Variants in BCL7B observed in about 807,000 individuals in gnomAD.
BCL7B encodes the protein BAF chromatin remodeling complex subunit BCL7B, also known as B-cell CLL/lymphoma 7 protein family member B.
Under a neutral mutation model 26.5 loss-of-function variants are expected in BCL7B, and 11 were observed. The observed-to-expected ratio is 0.42, with a 90% CI of 0.26 to 0.69. BCL7B has a LOEUF of 0.69. BCL7B is among the 30% of genes least tolerant of loss of function. The pLI is 0.28. For missense variants in BCL7B, 215 were observed against 264.4 expected, an observed-to-expected ratio of 0.81 and a Z score of 1.30; for synonymous variants, 111 against 107.9, an observed-to-expected ratio of 1.03 and a Z score of -0.18.
intron 2 of BCL7B, 50 bp from the exon 3 acceptor site, chr7:73,543,694 CAGAG>C (rs781945309): frequency 6.8e-7 from 1 of 1,474,116 alleles, no homozygotes; most frequent in African/African-American, 1.4e-5. Context: ...AGGAGACTCA[CAGAG>C]AGGGAGGAGG....
At position 73,557,002 on chromosome 7, in the gene BCL7B, G is replaced by A. The variant is rs1205837098; in HGVS notation, c.92+485C>T. On this transcript the variant is annotated intron_variant, in intron 1 of 5. Coordinates refer to ENST00000223368, the MANE Select transcript of BCL7B (RefSeq NM_001707.4). ...GGGGTATCCCTCTGGATGACACCAG[G>A]CTTGCTCCCTTGACAGATGGACTAA... The A allele has an allele frequency of 3.0e-6, 3 of 987,678 alleles. No individual in the cohort carries two copies. In the African/African-American group the frequency reaches 5.2e-5, roughly 17 times the overall value. The allele number at this position is 987,678 out of a possible 1,614,324, so 61.2% of individuals were successfully genotyped here.
chr7:73,543,469 C>T (rs1414409838), intron 3 of BCL7B, 79 bp downstream of exon 3: 1 of 1,362,752 alleles, frequency 7.3e-7, no homozygotes, highest in African/African-American at 1.4e-5. Context: ...TGAGTCACTG[C>T]ACCTGGCCAA....
At chr7:73,557,173 C>G (rs1160614425) in intron 1 of BCL7B, 5 of 1,021,400 alleles carry the variant, frequency 4.9e-6, no homozygotes, top group Non-Finnish European at 5.9e-6. Flanking sequence ...GAGGGCGGGC[C>G]CCGGGCTGGG....
At chr7:73,541,730 G>A (rs1346515012) in intron 3 of BCL7B, among the ~76,000 whole-genome samples, 1 of 152,096 alleles carries the variant, frequency 6.6e-6, no homozygotes, top group Non-Finnish European at 1.5e-5. Context: ...GCCTCCCAAA[G>A]TGCTGGGATT....
intron 1 of BCL7B, among the ~76,000 whole-genome samples, chr7:73,552,505 G>A (rs986911730): frequency 6.6e-5 from 10 of 152,064 alleles, no homozygotes; most frequent in East Asian, 3.9e-4. Context: ...CAGGCCAGGC[G>A]CAGCGGCTCA....
At chr7:73,539,375 C>T (rs561794678) in intron 4 of BCL7B, among the ~76,000 whole-genome samples, 1 of 152,210 alleles carries the variant, frequency 6.6e-6, no homozygotes, top group South Asian at 2.1e-4. Context: ...CCTCAGCCTC[C>T]GGAGTAGCTG....
intron 1 of BCL7B, among the ~76,000 whole-genome samples, chr7:73,554,123 A>G (rs1043237391): frequency 3.3e-5 from 5 of 151,714 alleles, no homozygotes; most frequent in Non-Finnish European, 5.9e-5. Context: ...CACCACGCCC[A>G]GTTAATTTTT....
intron 4 of BCL7B, 165 bp from the exon 5 acceptor site, chr7:73,538,178 A>C: frequency 2.3e-6 from 1 of 432,520 alleles, no homozygotes; most frequent in Non-Finnish European, 4.1e-6. Context: ...ACAGCCAAGA[A>C]TGGTGGAAGG....
At chr7:73,550,363 T>C (rs1792111296) in intron 2 of BCL7B, among the ~76,000 whole-genome samples, 1 of 151,996 alleles carries the variant, frequency 6.6e-6, no homozygotes, top group South Asian at 2.1e-4. Context: ...CTGGCCAACA[T>C]GGTGAAACCC....
intron 1 of BCL7B, among the ~76,000 whole-genome samples, chr7:73,555,527 T>G (rs1177846746): frequency 6.6e-6 from 1 of 152,130 alleles, no homozygotes; most frequent in Non-Finnish European, 1.5e-5. Context: ...AAGCAACTTT[T>G]GAGCTGAGCT....
At chr7:73,545,065 G>C (rs935932989) in intron 2 of BCL7B, among the ~76,000 whole-genome samples, 26 of 150,046 alleles carry the variant, frequency 1.7e-4, no homozygotes, top group Non-Finnish European at 3.4e-4. Flanking sequence ...AAAAAAAAAA[G>C]CCCAGAGTAA....
intron 1 of BCL7B, chr7:73,556,976 AG>A: frequency 2.0e-6 from 2 of 988,488 alleles, no homozygotes; most frequent in Non-Finnish European, 2.4e-6. Context: ...GGGGAAAGGG[AG>A]GGGTATCCCT....
intron 2 of BCL7B, among the ~76,000 whole-genome samples, chr7:73,544,541 G>A (rs559648513): frequency 5.3e-5 from 8 of 152,212 alleles, no homozygotes; most frequent in African/African-American, 1.7e-4. Flanking sequence ...CAGGAGAATC[G>A]CTTGAACCTG....
Position 73,557,471 on chromosome 7 carries a change from A to C in BCL7B, c.92+16T>G. On this transcript the variant is annotated intron_variant, in intron 1 of 5. Coordinates refer to ENST00000223368, the MANE Select transcript of BCL7B (RefSeq NM_001707.4). The stretch of plus-strand genomic sequence containing the variant: ...ATCCGCGACCCCCGCCAGCCCCCTA[A>C]GCTCCGGCCCCTCACCATTTCCGCA... 1 of 1,377,710 alleles carries C rather than the reference A, an allele frequency of 7.3e-7. No homozygotes were observed. The highest frequency in any genetic ancestry group is 1.7e-5 in the South Asian group (1 of 59,510). 85.3% of individuals were successfully genotyped at this position (1,377,710 alleles called of 1,614,324 possible).
At position 73,538,003 on chromosome 7, in the gene BCL7B, CA is replaced by C. The variant is rs1554582375; in HGVS notation, c.446del (p.Leu149ArgfsTer21). On this transcript the variant is annotated frameshift_variant, in exon 5 of 6. Transcript: ENST00000223368. LOFTEE classifies it high-confidence loss of function. Reference sequence around the variant, plus strand: ...GTTCATCAGCAACTTCCGAGGAGGGCAGGGAGGGCTCTGAAAAGGCAGTAGG... The same window carrying C: ...GTTCATCAGCAACTTCCGAGGAGGGCGGGAGGGCTCTGAAAAGGCAGTAGG... ...LGQEILEEPS[L>X]PSSEVADEPP... 6.2e-7 allele frequency: 1 copy of C among 1,600,164 alleles called. No homozygotes were observed. The highest frequency in any genetic ancestry group is 8.5e-7 in the Non-Finnish European group (1 of 1,173,198).
chr7:73,550,628 T>C (rs536899653), intron 2 of BCL7B, among the ~76,000 whole-genome samples: 5 of 123,372 alleles, frequency 4.1e-5, no homozygotes, highest in Non-Finnish European at 8.2e-5. Flanking sequence ...CAAAATACTG[T>C]ACATATTTTT....
At chr7:73,540,829 CAAAAAAAAAAAAAAA>C (rs56111929) in intron 3 of BCL7B, among the ~76,000 whole-genome samples, 1 of 50,942 alleles carries the variant, frequency 2.0e-5, no homozygotes, top group African/African-American at 8.1e-5. Flanking sequence ...GACTCTGTCT[CAAAAAAAAAAAAAAA>C]AAAAAAAAAA....
intron 2 of BCL7B, among the ~76,000 whole-genome samples, chr7:73,545,255 C>G (rs377058087): frequency 9.9e-5 from 15 of 152,180 alleles, no homozygotes; most frequent in East Asian, 3.8e-4. Flanking sequence ...CTCTGTCACC[C>G]AGGCTGGAGT....
At position 73,557,488 on chromosome 7, in the gene BCL7B, AT is replaced by A; in HGVS notation, c.90del (p.Lys30AsnfsTer7). Reference sequence around the variant, plus strand: ...GCCCCCTAAGCTCCGGCCCCTCACCATTTCCGCACTTTCTCGATGGCCGCCA... The same window carrying A: ...GCCCCCTAAGCTCCGGCCCCTCACCATTCCGCACTTTCTCGATGGCCGCCA... ...KVMAAIEKVRKWEKKWVTVGD... is the reference protein window; with the variant it reads ...KVMAAIEKVRXWEKKWVTVGD... On this transcript the variant is annotated frameshift_variant and splice_region_variant, in exon 1 of 6. Transcript: ENST00000223368. LOFTEE classifies it high-confidence loss of function. 2 of 1,398,436 alleles carry A rather than the reference AT, an allele frequency of 1.4e-6. No homozygotes were observed. The highest frequency in any genetic ancestry group is 9.4e-7 in the Non-Finnish European group (1 of 1,063,744). The allele number at this position is 1,398,436 out of a possible 1,614,324, so 86.6% of individuals were successfully genotyped here. A position where few individuals can be genotyped will look rare whatever the true frequency, so the allele number is the denominator to read the frequency against.
Sources: allele counts gnomAD v4.1 joint callset (sites outside exome capture counted in the v4.1 genomes callset), GRCh38; gene constraint gnomAD v4.1.1; transcripts MANE v1.5; gene names NCBI Gene and HGNC (gene_info 2026-07-23, HGNC 2026-07-21).